Variants in TRAPPC9 observed in about 807,000 individuals in gnomAD.
TRAPPC9 encodes IKK2 binding protein.
In TRAPPC9, 83 loss-of-function variants were observed where a neutral mutation model predicts 124.0. The ratio of observed to expected loss-of-function variants is 0.67; its 90% CI spans 0.56 to 0.80. TRAPPC9 has a LOEUF of 0.80. Among genes scored for constraint, TRAPPC9 ranks in the 30% least tolerant of loss-of-function variants. The probability of loss-of-function intolerance (pLI) is 0.00; values close to 1 mark genes in which losing one functional copy is unlikely to be tolerated. For synonymous variants in TRAPPC9, 638 were observed against 617.5 expected (o/e 1.03, Z -0.49); for missense variants, 1,302 against 1,508.3 (o/e 0.86, Z 2.27).
chr8:140,354,581 G>C (rs1003163516), intron 9 of TRAPPC9, among the ~76,000 whole-genome samples: 4 of 152,162 alleles, frequency 2.6e-5, no homozygotes, highest in African/African-American at 9.7e-5. Context: ...CACATCACCA[G>C]TCCAGCTTCA....
chr8:139,897,056 C>T (rs576629095), intron 20 of TRAPPC9, among the ~76,000 whole-genome samples: 46 of 152,340 alleles, frequency 3.0e-4, no homozygotes, highest in Non-Finnish European at 6.5e-4. Context: ...ACTGACATCC[C>T]TGCGTGCCTG....
chr8:140,311,908 A>T (rs903778813), intron 9 of TRAPPC9, among the ~76,000 whole-genome samples: 11 of 152,160 alleles, frequency 7.2e-5, no homozygotes, highest in Non-Finnish European at 1.3e-4. Context: ...AGGAGGGAGG[A>T]AAAGAGGACA....
At chr8:140,434,164 G>A (rs560786418) in intron 4 of TRAPPC9, among the ~76,000 whole-genome samples, 174 of 152,230 alleles carry the variant, frequency 1.1e-3, no homozygotes, top group African/African-American at 3.7e-3. Context: ...TTCTGTATCC[G>A]TGCCCTTGAG....
intron 14 of TRAPPC9, among the ~76,000 whole-genome samples, chr8:140,280,530 G>A (rs1414008877): frequency 6.6e-6 from 1 of 152,064 alleles, no homozygotes; most frequent in African/African-American, 2.4e-5. Context: ...CCAGGTTCAA[G>A]CGATTCTCCT....
At chr8:140,178,141 AACTAG>A (rs1264172283) in intron 17 of TRAPPC9, among the ~76,000 whole-genome samples, 1 of 152,148 alleles carries the variant, frequency 6.6e-6, no homozygotes, top group Non-Finnish European at 1.5e-5. Flanking sequence ...TTATGGCACT[AACTAG>A]ACTATTCAGC....
chr8:139,941,549 T>C (rs1366253140), intron 19 of TRAPPC9, among the ~76,000 whole-genome samples: 1 of 152,242 alleles, frequency 6.6e-6, no homozygotes, highest in African/African-American at 2.4e-5. Context: ...TCATCCTGTT[T>C]AGCCTTAACA....
Position 140,308,861 on chromosome 8 carries a change from A to T in TRAPPC9, c.1622+2387T>A, listed in dbSNP as rs1588132044. On this transcript the variant is annotated intron_variant, in intron 10 of 22. Coordinates refer to ENST00000438773, the MANE Select transcript of TRAPPC9 (RefSeq NM_001160372.4). ...GTACCACTGCACTCCAGCCTGGGCA[A>T]CAGAGTGAGATTACAACTCAAAAAA... is the stretch of plus-strand genomic sequence containing the variant. Among the ~76,000 whole-genome samples the T allele has an allele frequency of 2.0e-5, 3 of 151,928 alleles. No homozygotes were observed. In the East Asian group the frequency reaches 5.8e-4, roughly 29 times the overall value.
chr8:139,919,480 T>G (rs1380187101), intron 19 of TRAPPC9, among the ~76,000 whole-genome samples: 2 of 152,186 alleles, frequency 1.3e-5, no homozygotes, highest in African/African-American at 2.4e-5. Context: ...TTCAAATGGG[T>G]AAATTGCATT....
At chr8:140,000,448 C>G (rs1394896677) in intron 18 of TRAPPC9, among the ~76,000 whole-genome samples, 1 of 152,146 alleles carries the variant, frequency 6.6e-6, no homozygotes, top group African/African-American at 2.4e-5. Context: ...AACAGGCAAC[C>G]TACAGAATGG....
chr8:140,402,941 C>T (rs2069333668), intron 6 of TRAPPC9, among the ~76,000 whole-genome samples: 1 of 151,806 alleles, frequency 6.6e-6, no homozygotes, highest in African/African-American at 2.4e-5. Context: ...ATAATACACA[C>T]AAAATAAATT....
At chr8:140,059,718 T>C (rs1352302372) in intron 17 of TRAPPC9, among the ~76,000 whole-genome samples, 1 of 152,240 alleles carries the variant, frequency 6.6e-6, no homozygotes, top group African/African-American at 2.4e-5. Context: ...CTATTTACTT[T>C]CCTTTATGAA....
intron 16 of TRAPPC9, among the ~76,000 whole-genome samples, chr8:140,238,126 G>C (rs1167765121): frequency 6.6e-6 from 1 of 152,172 alleles, no homozygotes; most frequent in Non-Finnish European, 1.5e-5. Flanking sequence ...TGGGCGGAAA[G>C]GGCAGTAATG....
At position 139,732,059 on chromosome 8, in the gene TRAPPC9, C is replaced by T. The variant is rs140928207; in HGVS notation, c.3199G>A (p.Asp1067Asn). The change falls in exon 22 of 23, where the codon GAC (aspartate) becomes AAC (asparagine). Residue 1067 changes from aspartate (D) to asparagine (N), a missense_variant. Physicochemically the swap from Asp to Asn is conservative, Grantham distance 23. This residue lies in a region of TRAPPC9 where 640 missense variants were observed against 679.3 expected (regional missense o/e 0.94). Coordinates refer to ENST00000438773, the MANE Select transcript of TRAPPC9 (RefSeq NM_001160372.4). The part of the protein sequence containing the change: ...PFALTVVPFQ[D>N]HQNGVHNYDL... Reference sequence around the variant, plus strand: ...TAGTTGTGCACGCCGTTCTGGTGGTCCTGGAAGGGGACCACAGTGAGGGCG... The same window carrying T: ...TAGTTGTGCACGCCGTTCTGGTGGTTCTGGAAGGGGACCACAGTGAGGGCG... The T allele has an allele frequency of 1.1e-5, 17 of 1,604,862 alleles. No homozygotes were observed. The highest frequency in any genetic ancestry group is 9.0e-5 in the South Asian group (8 of 89,216).
At chr8:140,165,225 C>T (rs990800956) in intron 17 of TRAPPC9, among the ~76,000 whole-genome samples, 2 of 151,902 alleles carry the variant, frequency 1.3e-5, no homozygotes, top group African/African-American at 2.4e-5. Flanking sequence ...TCTGTAATCC[C>T]AGCTACTGGG....
chr8:140,356,124 G>C (rs148686705), intron 9 of TRAPPC9, among the ~76,000 whole-genome samples: 1 of 152,282 alleles, frequency 6.6e-6, no homozygotes, highest in East Asian at 1.9e-4. Flanking sequence ...AGGGGAGATA[G>C]GCAGGCACAC....
At chr8:140,137,453 A>T (rs1319301512) in intron 17 of TRAPPC9, among the ~76,000 whole-genome samples, 1 of 152,190 alleles carries the variant, frequency 6.6e-6, no homozygotes, top group Non-Finnish European at 1.5e-5. Flanking sequence ...ATCACTCTGG[A>T]GCGGGTAGTG....
rs1308917020 is a variant in TRAPPC9 at position 139,996,120 on chromosome 8, C to T, written c.2700-7284G>A. On this transcript the variant is annotated intron_variant, in intron 18 of 22. Transcript: ENST00000438773. The stretch of plus-strand genomic sequence containing the variant: ...CAAGTGAAAAGACGGAAAATCTCAG[C>T]GAAAAAGAAGATAAAAAAAGAACCA... Among the ~76,000 whole-genome samples, 8 of 9,384 alleles carry T rather than the reference C, an allele frequency of 8.5e-4. No individual in the cohort carries two copies. In the South Asian group the frequency reaches 0.018, roughly 21 times the overall value. The allele number at this position is 9,384 out of a possible 152,430, so 6.2% of individuals were successfully genotyped here.
At chr8:139,924,769 T>C (rs1056864595) in intron 19 of TRAPPC9, among the ~76,000 whole-genome samples, 2 of 152,220 alleles carry the variant, frequency 1.3e-5, no homozygotes, top group African/African-American at 2.4e-5. Context: ...TTTGGATACC[T>C]ATTTCGTCCA....
chr8:140,315,662 T>G (rs542127123), intron 9 of TRAPPC9, among the ~76,000 whole-genome samples: 1 of 152,316 alleles, frequency 6.6e-6, no homozygotes, highest in East Asian at 1.9e-4. Context: ...ATATAAGTGT[T>G]TTAAACCTTT....
Sources: gnomAD v4.1 joint callset for allele counts (sites outside exome capture counted in the v4.1 genomes callset) on GRCh38, gnomAD v4.1.1 for gene constraint, gnomAD v4.1.1 regional missense constraint, MANE v1.5 for transcripts, NCBI Gene and HGNC (gene_info 2026-07-23, HGNC 2026-07-21) for gene names.